Variants in RUVBL2 observed in about 807,000 individuals in gnomAD.
RUVBL2 encodes RuvB like AAA ATPase 2, also known as ruvB-like 2.
Under a neutral mutation model 57.9 loss-of-function variants are expected in RUVBL2, and 9 were observed. The observed-to-expected ratio is 0.16, with a 90% CI of 0.09 to 0.27. The LOEUF (loss-of-function observed/expected upper bound fraction) is 0.27, where lower values mean the gene tolerates loss of function less well. Among genes scored for constraint, RUVBL2 ranks in the 10% least tolerant of loss-of-function variants. The probability of loss-of-function intolerance (pLI) is 1.00; values close to 1 mark genes in which losing one functional copy is unlikely to be tolerated. For missense variants in RUVBL2, 456 were observed against 669.6 expected, an observed-to-expected ratio of 0.68 and a Z score of 3.52; for synonymous variants, 278 against 264.6, an observed-to-expected ratio of 1.05 and a Z score of -0.49.
chr19:48,993,522 C>G, upstream of RUVBL2: 5 of 440,692 alleles, frequency 1.1e-5, no homozygotes, highest in Non-Finnish European at 8.4e-6. Flanking sequence ...AAACGAGTGG[C>G]CTTCAGCTCT....
Position 49,007,059 on chromosome 19 carries a change from A to G in RUVBL2, c.307A>G (p.Ile103Val), listed in dbSNP as rs367953120. Reference protein sequence around the residue: ...ALGPDTPFTAIAGSEIFSLEM... With the variant: ...ALGPDTPFTAVAGSEIFSLEM... The stretch of plus-strand genomic sequence containing the variant: ...GGGCCCTGACACGCCATTCACAGCC[A>G]TCGCCGGCAGTGAAATCTTCTCCCT... The change falls in exon 5 of 15, where the codon ATC becomes GTC. Residue 103 changes from isoleucine (I) to valine (V), a missense_variant. Transcript: ENST00000595090. 5.0e-5 allele frequency: 80 copies of G among 1,613,070 alleles called. No homozygotes were observed. Among genetic ancestry groups the G allele is most frequent in the Non-Finnish European group, 5.8e-5 (68 of 1,180,046 alleles).
upstream of RUVBL2, chr19:48,993,775 G>A (rs1600160288): frequency 3.3e-6 from 4 of 1,201,178 alleles, no homozygotes; most frequent in South Asian, 3.9e-5. Context: ...ATAAAGTCCC[G>A]CCACGCCCCC....
At chr19:49,013,669 C>G (rs1022946004) in intron 11 of RUVBL2, among the ~76,000 whole-genome samples, 5 of 152,184 alleles carry the variant, frequency 3.3e-5, no homozygotes, top group African/African-American at 1.2e-4. Flanking sequence ...AATCCCAGCA[C>G]TTTGGGAGGC....
chr19:48,994,294 G>C (rs553486769), intron 1 of RUVBL2: 2 of 286,452 alleles, frequency 7.0e-6, no homozygotes, highest in African/African-American at 4.3e-5. Flanking sequence ...GCCTTGGATT[G>C]TTAGTGGTGC....
chr19:49,007,552 C>T (rs779053366), intron 6 of RUVBL2, among the ~76,000 whole-genome samples, 184 bp downstream of exon 6: 5 of 152,134 alleles, frequency 3.3e-5, no homozygotes, highest in Non-Finnish European at 5.9e-5. Context: ...TTATGAAGGA[C>T]ATTATGGGCA....
At chr19:49,012,843 C>CCACACACACACACA (rs58302006) in intron 11 of RUVBL2, among the ~76,000 whole-genome samples, 2,463 of 141,824 alleles carry the variant, frequency 0.017, 30 homozygotes, top group African/African-American at 0.034. Context: ...TCAGTGCCCA[C>CCACACACACACACA]CACACACACA....
Position 49,009,964 on chromosome 19 carries a change from C to G in RUVBL2, c.570-9C>G, listed in dbSNP as rs368479649. ...TCCTTTCCTTACCCTACCCCCCATC[C>G]CCCTGTAGGGACGTGATCACCATCG... On this transcript the variant is annotated splice_polypyrimidine_tract_variant and intron_variant, in intron 7 of 14. Coordinates refer to ENST00000595090, the MANE Select transcript of RUVBL2 (RefSeq NM_006666.3). The G allele has an allele frequency of 6.2e-7, 1 of 1,605,810 alleles. No individual in the cohort carries two copies.
chr19:48,997,664 A>G (rs2039090079), intron 1 of RUVBL2, among the ~76,000 whole-genome samples: 1 of 151,524 alleles, frequency 6.6e-6, no homozygotes, highest in South Asian at 2.1e-4. Flanking sequence ...AAAGAACTCC[A>G]TTCCTTTTTA....
At chr19:49,009,074 C>G (rs2039343767) in intron 6 of RUVBL2, among the ~76,000 whole-genome samples, 2 of 126,716 alleles carry the variant, frequency 1.6e-5, no homozygotes, top group Admixed American at 1.9e-4. Context: ...GGCAGGAGAA[C>G]TACTTGAACC....
chr19:49,002,544 C>G (rs2039205163), intron 2 of RUVBL2, among the ~76,000 whole-genome samples: 2 of 152,122 alleles, frequency 1.3e-5, no homozygotes, highest in South Asian at 4.1e-4. Context: ...TTTTGATACT[C>G]AGAAGTGCTT....
At chr19:48,999,091 C>G (rs1261042559) in intron 1 of RUVBL2, among the ~76,000 whole-genome samples, 3 of 152,000 alleles carry the variant, frequency 2.0e-5, no homozygotes, top group African/African-American at 7.3e-5. Context: ...TGTGCTGGAC[C>G]CTGAGGACCA....
intron 1 of RUVBL2, 59 bp from the exon 2 acceptor site, chr19:48,999,259 GA>G: frequency 6.4e-7 from 1 of 1,566,906 alleles, no homozygotes; most frequent in East Asian, 2.2e-5. Flanking sequence ...AGGGACAGAG[GA>G]GGGGTTGGTG....
intron 6 of RUVBL2, among the ~76,000 whole-genome samples, chr19:49,009,546 A>G (rs531825068): frequency 2.4e-4 from 36 of 152,326 alleles, no homozygotes; most frequent in Non-Finnish European, 4.7e-4. Flanking sequence ...ACACATTGCA[A>G]GTGTCCAGTA....
chr19:49,006,816 A>T (rs1378718756), intron 4 of RUVBL2, among the ~76,000 whole-genome samples: 1 of 152,100 alleles, frequency 6.6e-6, no homozygotes, highest in Non-Finnish European at 1.5e-5. Context: ...CTGGCTTCTC[A>T]CTCACTGTCT....
Position 49,009,893 on chromosome 19 carries a change from A to C in RUVBL2, c.569+11A>C, listed in dbSNP as rs1490741080. 4 of 1,613,782 alleles carry C rather than the reference A, an allele frequency of 2.5e-6. No homozygotes were observed. Among genetic ancestry groups the C allele is most frequent in the Non-Finnish European group, 3.4e-6 (4 of 1,179,780 alleles). ...CAAGGTCCAGGCCGGGTGAGCAGTC[A>C]GGGGCCATGCCAGGCAGCCAGGGGG... On this transcript the variant is annotated intron_variant, in intron 7 of 14. Coordinates refer to ENST00000595090, the MANE Select transcript of RUVBL2 (RefSeq NM_006666.3).
intron 1 of RUVBL2, among the ~76,000 whole-genome samples, chr19:48,998,330 C>T (rs2039104641): frequency 6.6e-6 from 1 of 152,164 alleles, no homozygotes; most frequent in African/African-American, 2.4e-5. Context: ...TTAGCAGGGG[C>T]CAGAGCATGT....
At chr19:49,001,303 AGGCGCCCGCCACCATGCCC>A (rs980996615) in intron 2 of RUVBL2, 5 of 150,916 alleles carry the variant, frequency 3.3e-5, no homozygotes, top group Non-Finnish European at 5.9e-5. Context: ...CTGGGACTAC[AGGCGCCCGCCACCATGCCC>A]GGCTAATTTT....
intron 1 of RUVBL2, among the ~76,000 whole-genome samples, chr19:48,999,087 G>C (rs2039124560): frequency 6.6e-6 from 1 of 152,092 alleles, no homozygotes; most frequent in Admixed American, 6.6e-5. Context: ...AATATGTGCT[G>C]GACCCTGAGG....
At chr19:49,013,534 T>G (rs1303622429) in intron 11 of RUVBL2, among the ~76,000 whole-genome samples, 1 of 152,172 alleles carries the variant, frequency 6.6e-6, no homozygotes, top group African/African-American at 2.4e-5. Context: ...GACGCTTCGC[T>G]GAGCCCAAGT....
Sources: gnomAD v4.1 joint callset for allele counts (sites outside exome capture counted in the v4.1 genomes callset) on GRCh38, gnomAD v4.1.1 for gene constraint, MANE v1.5 for transcripts, NCBI Gene and HGNC (gene_info 2026-07-23, HGNC 2026-07-21) for gene names.